Variants in UBA2 observed in about 807,000 individuals in gnomAD.
UBA2 encodes SUMO-activating enzyme subunit 2.
UBA2 carries 11 observed loss-of-function variants against 77.2 expected under a neutral mutation model. That is an observed-to-expected ratio of 0.14 (90% CI 0.09 to 0.24). The LOEUF is 0.24. Among genes scored for constraint, UBA2 ranks in the 10% least tolerant of loss-of-function variants. The pLI, the probability that UBA2 is intolerant of heterozygous loss-of-function variation, is 1.00. For missense variants in UBA2, 487 were observed against 781.7 expected (o/e 0.62, Z 4.50); for synonymous variants, 278 against 276.7 (o/e 1.00, Z -0.05).
At chr19:34,434,824 A>T in intron 4 of UBA2, 44 bp from the exon 5 acceptor site, 8 of 1,342,984 alleles carry the variant, frequency 6.0e-6, no homozygotes, top group Non-Finnish European at 7.2e-6. Context: ...AAGATAACTA[A>T]TTTTTTTTTT....
At chr19:34,449,997 C>T (rs892655415) in intron 8 of UBA2, among the ~76,000 whole-genome samples, 1 of 152,156 alleles carries the variant, frequency 6.6e-6, no homozygotes, top group African/African-American at 2.4e-5. Context: ...GGAGAGGTGA[C>T]TTAGGAAGGC....
Position 34,430,647 on chromosome 19 carries a change from A to G in UBA2, c.210A>G (p.Arg70=). Residue 70 remains arginine, a synonymous_variant, in exon 2 of 17, where the codon AGA becomes AGG. Coordinates refer to ENST00000246548, the MANE Select transcript of UBA2 (RefSeq NM_005499.3). ...TGTTTCAAAAGAAACATGTTGGAAG[A>G]TCAAAGGCACAGGTAACTATATTTC... ...QFLFQKKHVG[R]SKAQVAKESV... The G allele has an allele frequency of 6.2e-7, 1 of 1,613,312 alleles. No homozygotes were observed. The highest frequency in any genetic ancestry group is 8.5e-7 in the Non-Finnish European group (1 of 1,179,376).
intron 8 of UBA2, among the ~76,000 whole-genome samples, chr19:34,445,963 A>G (rs577729800): frequency 1.3e-5 from 2 of 152,214 alleles, no homozygotes; most frequent in East Asian, 3.9e-4. Flanking sequence ...GTGTTTTAAA[A>G]GTTTTTTTGT....
rs527277931 is a variant in UBA2 at position 34,451,735 on chromosome 19, A to G, written c.872-246A>G. 5.8e-3 allele frequency among the ~76,000 whole-genome samples: 884 copies of G among 151,252 alleles called. 7 individuals are homozygous for G. Among genetic ancestry groups the G allele is most frequent in the Middle Eastern group, 0.021 (6 of 292 alleles). The stretch of plus-strand genomic sequence containing the variant: ...CATATTTTTTGTATTTTTAGTAGAG[A>G]CGGGGTTTCACCATGTTAGCCAGGA... On this transcript the variant is annotated intron_variant, in intron 9 of 16. Coordinates refer to ENST00000246548, the MANE Select transcript of UBA2 (RefSeq NM_005499.3).
chr19:34,453,170 A>T (rs2075520516), intron 10 of UBA2, among the ~76,000 whole-genome samples: 1 of 152,172 alleles, frequency 6.6e-6, no homozygotes. Flanking sequence ...TCCCCTATTT[A>T]ATAGATTAAG....
intron 7 of UBA2, among the ~76,000 whole-genome samples, chr19:34,444,420 A>G (rs1250187096): frequency 6.6e-6 from 1 of 152,220 alleles, no homozygotes; most frequent in Non-Finnish European, 1.5e-5. Context: ...GTTAAGAGAA[A>G]TTTCACAAGT....
intron 8 of UBA2, among the ~76,000 whole-genome samples, chr19:34,448,454 C>T (rs1048508293): frequency 2.6e-5 from 4 of 151,982 alleles, no homozygotes; most frequent in African/African-American, 9.7e-5. Context: ...AATAGCCAGC[C>T]ATGGTGGCCT....
At chr19:34,438,595 T>G in intron 5 of UBA2, 50 bp from the exon 6 acceptor site, 3 of 1,607,086 alleles carry the variant, frequency 1.9e-6, no homozygotes, top group Non-Finnish European at 2.5e-6. Context: ...CTTATAATGT[T>G]GAGAAACTGC....
intron 1 of UBA2, among the ~76,000 whole-genome samples, chr19:34,429,929 T>A (rs1364768267): frequency 6.6e-6 from 1 of 152,192 alleles, no homozygotes; most frequent in African/African-American, 2.4e-5. Flanking sequence ...TAGTATTTTT[T>A]GAGACAGGGT....
At chr19:34,458,737 T>G (rs1257982073) in intron 12 of UBA2, 32 bp from the exon 13 acceptor site, 1 of 1,592,596 alleles carries the variant, frequency 6.3e-7, no homozygotes, top group East Asian at 2.2e-5. Flanking sequence ...ACAGCACGTT[T>G]CCGATTTCTG....
intron 6 of UBA2, among the ~76,000 whole-genome samples, chr19:34,439,257 A>T (rs928700755): frequency 5.3e-5 from 8 of 151,962 alleles, no homozygotes; most frequent in African/African-American, 1.9e-4. Context: ...ACTTAGTCTT[A>T]TATTGGAGAC....
chr19:34,468,957 C>A, intron 16 of UBA2, 83 bp from the exon 17 acceptor site: 2 of 1,207,642 alleles, frequency 1.7e-6, no homozygotes, highest in Non-Finnish European at 2.3e-6. Flanking sequence ...GAAGAGTCAG[C>A]TTTCAATTAT....
intron 13 of UBA2, among the ~76,000 whole-genome samples, chr19:34,459,883 G>C (rs889039856): frequency 6.6e-6 from 1 of 152,156 alleles, no homozygotes; most frequent in South Asian, 2.1e-4. Context: ...GTACAGCAGC[G>C]GGTGGTTGCC....
At chr19:34,428,884 T>G in intron 1 of UBA2, 31 of 1,017,816 alleles carry the variant, frequency 3.0e-5, no homozygotes, top group East Asian at 8.8e-5. Flanking sequence ...TCAAAACAAA[T>G]TCCCGGCTGT....
At chr19:34,464,167 T>C in intron 15 of UBA2, 36 bp downstream of exon 15, 1 of 1,343,108 alleles carries the variant, frequency 7.4e-7, no homozygotes, top group Non-Finnish European at 1.1e-6. Context: ...TAAGAAATTA[T>C]TTGAATATAT....
rs1457569091 is a variant in UBA2, at chr19:34,469,077, T to C, written c.1779T>C (p.Asp593=). The part of the protein sequence containing the change: ...EQDDVLIVDS[D]EEDSSNNADV... Reference sequence around the variant, plus strand: ...ATGACGTTCTCATAGTTGATTCAGATGAAGAAGATTCTTCAAATAATGCCG... The same window carrying C: ...ATGACGTTCTCATAGTTGATTCAGACGAAGAAGATTCTTCAAATAATGCCG... The change falls in exon 17 of 17, where the codon GAT becomes GAC. Residue 593 remains aspartate, a synonymous_variant. Transcript: ENST00000246548. 1.2e-6 allele frequency: 2 copies of C among 1,609,724 alleles called. No individual in the cohort carries two copies. Among genetic ancestry groups the C allele is most frequent in the Non-Finnish European group, 1.7e-6 (2 of 1,178,910 alleles).
chr19:34,428,675 G>A, intron 1 of UBA2, 105 bp downstream of exon 1: 1 of 1,219,886 alleles, frequency 8.2e-7, no homozygotes, highest in Non-Finnish European at 1.0e-6. Flanking sequence ...CCGGAGCCCG[G>A]GACCGGAGTT....
intron 12 of UBA2, among the ~76,000 whole-genome samples, chr19:34,457,064 C>A (rs191740945): frequency 6.7e-6 from 1 of 149,126 alleles, no homozygotes; most frequent in African/African-American, 2.5e-5. Context: ...CACGATGGCT[C>A]ACACGTGTAA....
chr19:34,434,993 A>G (rs761370223), intron 5 of UBA2, 25 bp downstream of exon 5: 2 of 1,482,084 alleles, frequency 1.3e-6, no homozygotes, highest in Admixed American at 1.9e-5. Flanking sequence ...TATTTTTTTA[A>G]CTTCCCAAAT....
Sources: allele counts gnomAD v4.1 joint callset (sites outside exome capture counted in the v4.1 genomes callset), GRCh38; gene constraint gnomAD v4.1.1; transcripts MANE v1.5; gene names NCBI Gene and HGNC (gene_info 2026-07-23, HGNC 2026-07-21).